The following RUNDC3B variants were observed in gnomAD, a reference collection of about 807,000 sequenced individuals.
RUNDC3B encodes the protein RUN domain-containing protein 3B.
In RUNDC3B, 33 loss-of-function variants were observed where a neutral mutation model predicts 58.4. The observed-to-expected ratio is 0.56, with a 90% confidence interval of 0.43 to 0.75. The LOEUF is 0.75. RUNDC3B is among the 30% of genes least tolerant of loss of function. RUNDC3B has a pLI of 0.00. For missense variants in RUNDC3B, 501 were observed against 535.7 expected (o/e 0.94, Z 0.64); for synonymous variants, 193 against 195.2 (o/e 0.99, Z 0.10).
chr7:87,664,411 A>G (rs1159588901), intron 2 of RUNDC3B, among the ~76,000 whole-genome samples: 2 of 152,194 alleles, frequency 1.3e-5, no homozygotes, highest in African/African-American at 4.8e-5. Context: ...AATGTGATCA[A>G]TTCTCAAAGG....
At chr7:87,677,499 A>G (rs925399370) in intron 2 of RUNDC3B, among the ~76,000 whole-genome samples, 1 of 152,112 alleles carries the variant, frequency 6.6e-6, no homozygotes, top group Non-Finnish European at 1.5e-5. Flanking sequence ...AGAGAGTAAA[A>G]TGTTGATTAC....
At chr7:87,776,390 A>G (rs1220786676) in intron 7 of RUNDC3B, among the ~76,000 whole-genome samples, 2 of 152,186 alleles carry the variant, frequency 1.3e-5, no homozygotes, top group Non-Finnish European at 1.5e-5. Context: ...GAGCAAATGA[A>G]CTATAGCTAG....
chr7:87,781,254 A>T (rs1834904652), intron 8 of RUNDC3B, among the ~76,000 whole-genome samples: 1 of 151,838 alleles, frequency 6.6e-6, no homozygotes, highest in South Asian at 2.1e-4. Context: ...GGCTGTTGTA[A>T]ATGGGATTGT....
At chr7:87,658,710 G>C (rs1445985548) in intron 2 of RUNDC3B, among the ~76,000 whole-genome samples, 1 of 152,170 alleles carries the variant, frequency 6.6e-6, no homozygotes, top group Non-Finnish European at 1.5e-5. Flanking sequence ...AGGCCAGGAG[G>C]AAGTGGTAAA....
chr7:87,720,004 AAAG>A (rs1222948947), intron 4 of RUNDC3B, among the ~76,000 whole-genome samples: 1 of 144,048 alleles, frequency 6.9e-6, no homozygotes, highest in Non-Finnish European at 1.5e-5. Context: ...AAAAAAAAAA[AAAG>A]AGAAAGAAAA....
chr7:87,692,741 A>G (rs1828130574), intron 2 of RUNDC3B, among the ~76,000 whole-genome samples: 1 of 152,190 alleles, frequency 6.6e-6, no homozygotes, highest in Non-Finnish European at 1.5e-5. Flanking sequence ...GTTATTTGCA[A>G]TGAAAAGCAT....
In RUNDC3B at chr7:87,800,203, A is replaced by G. The variant is rs1378502732; in HGVS notation, c.957-7170A>G. 2.0e-5 allele frequency among the ~76,000 whole-genome samples: 3 copies of G among 152,294 alleles called. No homozygotes were observed. In the East Asian group the frequency reaches 5.8e-4, roughly 29 times the overall value. On this transcript the variant is annotated intron_variant, in intron 8 of 10. Transcript: ENST00000394654. ...GTATAACCACATCATGAGCATTGGC[A>G]CAGCATCTGGGGTGAGGAAGAAGCA...
intron 2 of RUNDC3B, among the ~76,000 whole-genome samples, chr7:87,653,667 A>T (rs1442818019): frequency 3.3e-5 from 5 of 152,074 alleles, no homozygotes; most frequent in Admixed American, 1.3e-4. Flanking sequence ...TTTTTTTTCA[A>T]ATGCGAGCCT....
At chr7:87,749,975 CCACT>C (rs1199831567) in intron 6 of RUNDC3B, among the ~76,000 whole-genome samples, 1 of 151,612 alleles carries the variant, frequency 6.6e-6, no homozygotes, top group African/African-American at 2.4e-5. Context: ...TGTGCTGCAC[CCACT>C]AACTCGTCAT....
intron 3 of RUNDC3B, among the ~76,000 whole-genome samples, chr7:87,704,424 T>C (rs1829414381): frequency 6.6e-6 from 1 of 152,156 alleles, no homozygotes; most frequent in Non-Finnish European, 1.5e-5. Flanking sequence ...ACCCTTTCAA[T>C]AGAGGGGAGG....
At chr7:87,814,891 A>G (rs1836947684) in intron 9 of RUNDC3B, among the ~76,000 whole-genome samples, 1 of 152,116 alleles carries the variant, frequency 6.6e-6, no homozygotes, top group Non-Finnish European at 1.5e-5. Context: ...AAAAACAAAT[A>G]TTTACCTGTT....
intron 2 of RUNDC3B, among the ~76,000 whole-genome samples, chr7:87,660,634 A>G (rs1824602652): frequency 6.6e-6 from 1 of 151,752 alleles, no homozygotes; most frequent in Admixed American, 6.6e-5. Flanking sequence ...TATGTATATT[A>G]ATGCATTATT....
rs35797972 is a variant in RUNDC3B, at chr7:87,703,914, G to GTTTTTTTTTTTT, written c.372+3375_372+3386dup. Among the ~76,000 whole-genome samples, 126 of 42,986 alleles carry GTTTTTTTTTTTT rather than the reference G, an allele frequency of 2.9e-3. 1 individual carries two copies. The highest frequency in any genetic ancestry group is 0.022 in the Middle Eastern group (1 of 46). 28.2% of individuals were successfully genotyped at this position (42,986 alleles called of 152,430 possible). A position where few individuals can be genotyped will look rare whatever the true frequency, so the allele number is the denominator to read the frequency against. ...TTTTTTTTTTTTTTTTTTTTTTTTG[G>GTTTTTTTTTTTT]TTTTTTTTTTTTTTTTTTTTTTTTT... On this transcript the variant is annotated intron_variant, in intron 3 of 10. Transcript: ENST00000394654.
intron 1 of RUNDC3B, among the ~76,000 whole-genome samples, chr7:87,646,195 T>C (rs1174521803): frequency 1.3e-5 from 2 of 152,206 alleles, no homozygotes; most frequent in African/African-American, 4.8e-5. Flanking sequence ...ATGAGTAATG[T>C]AGAAAAATAT....
chr7:87,800,046 A>G (rs1277197795), intron 8 of RUNDC3B, among the ~76,000 whole-genome samples: 1 of 152,182 alleles, frequency 6.6e-6, no homozygotes, highest in East Asian at 1.9e-4. Context: ...GGCTTTAAAT[A>G]TATTATCTTA....
intron 8 of RUNDC3B, 124 bp downstream of exon 8, chr7:87,778,079 C>G (rs1365434164): frequency 1.3e-5 from 10 of 761,556 alleles, no homozygotes; most frequent in Non-Finnish European, 2.1e-5. Context: ...TTCACCTACA[C>G]TTTTTTGAAA....
Position 87,646,908 on chromosome 7 carries a change from TA to T in RUNDC3B, c.123-3912del, listed in dbSNP as rs546630893. 2.0e-3 allele frequency among the ~76,000 whole-genome samples: 302 copies of T among 152,308 alleles called. 1 individual carries two copies. Among genetic ancestry groups the T allele is most frequent in the African/African-American group, 6.6e-3 (276 of 41,590 alleles). On this transcript the variant is annotated intron_variant, in intron 1 of 10. Transcript: ENST00000394654. ...TGACTATCCGTTAGGTACAAGAAAC[TA>T]ACTTTATCAGTGTTACTTCCTATAT...
At position 87,633,028 on chromosome 7, in the gene RUNDC3B, A is replaced by G. The variant is rs1045920427; in HGVS notation, c.122+4083A>G. 2.0e-4 allele frequency among the ~76,000 whole-genome samples: 30 copies of G among 152,196 alleles called. 1 individual carries two copies. The highest frequency in any genetic ancestry group is 3.9e-4 in the Admixed American group (6 of 15,268). Reference sequence around the variant, plus strand: ...TTTCACAATTCAAGTGTTTTTAATAACATATGAATAGTCTTAGTTTTCTAT... The same window carrying G: ...TTTCACAATTCAAGTGTTTTTAATAGCATATGAATAGTCTTAGTTTTCTAT... On this transcript the variant is annotated intron_variant, in intron 1 of 10. Coordinates refer to ENST00000394654, the MANE Select transcript of RUNDC3B (RefSeq NM_001134405.2).
chr7:87,745,871 A>G (rs1563180509), intron 6 of RUNDC3B, among the ~76,000 whole-genome samples: 1 of 151,890 alleles, frequency 6.6e-6, no homozygotes, highest in Admixed American at 6.6e-5. Flanking sequence ...TTGTTTCTCT[A>G]GTGCCTTGAG....
Sources: allele counts gnomAD v4.1 joint callset (sites outside exome capture counted in the v4.1 genomes callset), GRCh38; gene constraint gnomAD v4.1.1; transcripts MANE v1.5; gene names NCBI Gene and HGNC (gene_info 2026-07-23, HGNC 2026-07-21).